The following MATN2 variants were observed in gnomAD, a reference collection of about 807,000 sequenced individuals.
MATN2 encodes matrilin 2.
In MATN2, 69 loss-of-function variants were observed where a neutral mutation model predicts 103.2. That is an observed-to-expected ratio of 0.67 (90% CI 0.55 to 0.82). MATN2 has a LOEUF of 0.82. Among genes scored for constraint, MATN2 ranks in the 40% least tolerant of loss-of-function variants. The probability of loss-of-function intolerance (pLI) is 0.00; values close to 1 mark genes in which losing one functional copy is unlikely to be tolerated. For missense variants in MATN2, 1,023 were observed against 1,211.5 expected (o/e 0.84, Z 2.31); for synonymous variants, 429 against 450.2 (o/e 0.95, Z 0.60).
rs776806458 is a variant in MATN2 at position 97,994,619 on chromosome 8, G to A, written c.1204+17G>A. 3 of 1,606,504 alleles carry A rather than the reference G, an allele frequency of 1.9e-6. No individual in the cohort carries two copies. The South Asian group carries it at 3.4e-5, about 18-fold the overall frequency. ...CCTGCAGAAGTAAGTTACAGTGGGAGTTGGAGAAGGGCTTGTTCTGCTAAA... is the reference window on the plus strand; with the variant it reads ...CCTGCAGAAGTAAGTTACAGTGGGAATTGGAGAAGGGCTTGTTCTGCTAAA... On this transcript the variant is annotated intron_variant, in intron 7 of 18. Coordinates refer to ENST00000254898, the MANE Select transcript of MATN2 (RefSeq NM_002380.5).
chr8:97,972,345 A>C (rs1811683397), intron 5 of MATN2, among the ~76,000 whole-genome samples: 1 of 151,520 alleles, frequency 6.6e-6, no homozygotes, highest in Admixed American at 6.6e-5. Context: ...TCTCAAAAAA[A>C]AAAAAAAAAA....
At chr8:97,988,632 G>A (rs766585782) in intron 6 of MATN2, among the ~76,000 whole-genome samples, 48 of 151,880 alleles carry the variant, frequency 3.2e-4, no homozygotes, top group Admixed American at 1.9e-3. Context: ...TCCCCAGACC[G>A]ACCAAAAACA....
At chr8:97,992,745 C>CAAAA (rs58985201) in intron 6 of MATN2, among the ~76,000 whole-genome samples, 15 of 49,536 alleles carry the variant, frequency 3.0e-4, no homozygotes, top group East Asian at 6.4e-4. Context: ...GACTCCATCT[C>CAAAA]AAAAAAAAAA....
At chr8:97,909,665 G>A (rs551608317) in intron 2 of MATN2, among the ~76,000 whole-genome samples, 10 of 152,314 alleles carry the variant, frequency 6.6e-5, no homozygotes, top group African/African-American at 1.9e-4. Flanking sequence ...TGAGTGAGGG[G>A]CCCACGGTAG....
At chr8:97,965,915 C>T (rs988505232) in intron 5 of MATN2, among the ~76,000 whole-genome samples, 1 of 152,060 alleles carries the variant, frequency 6.6e-6, no homozygotes, top group Non-Finnish European at 1.5e-5. Context: ...ACCTGGGAGG[C>T]AGAGGTTGCA....
rs540926527 is a variant in MATN2, at chr8:98,027,762, C to G, written c.2289C>G (p.Ala763=). 3.7e-6 allele frequency: 6 copies of G among 1,609,224 alleles called. No individual in the cohort carries two copies. Among genetic ancestry groups the G allele is most frequent in the Non-Finnish European group, 5.1e-6 (6 of 1,178,532 alleles). Residue 763 remains alanine, a synonymous_variant, in exon 14 of 19, where the codon GCC becomes GCG. Transcript: ENST00000254898. ...RPLSTRVPRA[A]IVFTDGRAQD... ...TTTCCACAAGGGTGCCCAGAGCAGCCATTGTGTTCACCGACGGACGGGCTC... is the reference window on the plus strand; with the variant it reads ...TTTCCACAAGGGTGCCCAGAGCAGCGATTGTGTTCACCGACGGACGGGCTC...
chr8:97,936,523 T>G (rs1420565314), intron 3 of MATN2, among the ~76,000 whole-genome samples: 2 of 151,432 alleles, frequency 1.3e-5, no homozygotes, highest in Non-Finnish European at 2.9e-5. Context: ...TGCCCAGTAA[T>G]ACAAGACCTC....
At chr8:97,905,183 G>A (rs537171083) in intron 2 of MATN2, among the ~76,000 whole-genome samples, 59 of 152,152 alleles carry the variant, frequency 3.9e-4, no homozygotes, top group Non-Finnish European at 7.5e-4. Context: ...CAAATAATTG[G>A]CCTCCTTTCT....
chr8:97,953,826 G>A (rs1297652384), intron 4 of MATN2, among the ~76,000 whole-genome samples: 2 of 151,636 alleles, frequency 1.3e-5, no homozygotes, highest in South Asian at 4.2e-4. Flanking sequence ...GCTGGGTATG[G>A]TGGTGCGTAC....
chr8:98,026,685 G>T (rs1028647367), intron 13 of MATN2, among the ~76,000 whole-genome samples: 24 of 152,108 alleles, frequency 1.6e-4, no homozygotes, highest in African/African-American at 5.8e-4. Context: ...AGTATTGGGG[G>T]GTGGGGCACA....
intron 2 of MATN2, among the ~76,000 whole-genome samples, chr8:97,904,032 T>C (rs2130041738): frequency 6.6e-6 from 1 of 152,356 alleles, no homozygotes; most frequent in East Asian, 1.9e-4. Flanking sequence ...CTTACTAGAA[T>C]TATTTTGCTA....
In MATN2 at chr8:98,036,359, T is replaced by A. The variant is rs1444016550; in HGVS notation, c.*647T>A. ...TTAAAACAATACCATTTTTCACCCA[T>A]CAGCTTAGCAAAAATGAGTATATTT... On this transcript the variant is annotated 3_prime_UTR_variant, in exon 19 of 19. Transcript: ENST00000254898. The A allele has an allele frequency of 2.0e-5, 3 of 152,310 alleles. No homozygotes were observed. The highest frequency in any genetic ancestry group is 3.4e-3 in the Middle Eastern group (1 of 294). 9.4% of individuals were successfully genotyped at this position (152,310 alleles called of 1,614,324 possible).
intron 4 of MATN2, among the ~76,000 whole-genome samples, chr8:97,947,991 G>A (rs1052414093): frequency 6.6e-6 from 1 of 152,068 alleles, no homozygotes; most frequent in African/African-American, 2.4e-5. Flanking sequence ...ACGTTTTTGA[G>A]TATATACTGT....
At chr8:97,979,133 T>G (rs2130310846) in intron 6 of MATN2, 125 bp downstream of exon 6, 1 of 1,127,396 alleles carries the variant, frequency 8.9e-7, no homozygotes, top group Non-Finnish European at 1.2e-6. Context: ...TAATACCTTT[T>G]GCCCCATTCC....
chr8:97,997,481 T>G (rs905189638), intron 7 of MATN2, among the ~76,000 whole-genome samples: 1 of 152,224 alleles, frequency 6.6e-6, no homozygotes, highest in Admixed American at 6.5e-5. Context: ...GGTTTCAGTC[T>G]TACCTGCTCA....
Position 98,036,065 on chromosome 8 carries a change from T to C in MATN2, c.*353T>C, listed in dbSNP as rs992985601. ...TAAAGTTTGCACAGTCTTACTTCTG[T>C]AGAACACTGGCCATAGGAAATGCTG... is the stretch of plus-strand genomic sequence containing the variant. On this transcript the variant is annotated 3_prime_UTR_variant, in exon 19 of 19. Transcript: ENST00000254898. 5 of 184,272 alleles carry C rather than the reference T, an allele frequency of 2.7e-5. No individual in the cohort carries two copies. The highest frequency in any genetic ancestry group is 1.9e-4 in the South Asian group (1 of 5,142). The allele number at this position is 184,272 out of a possible 1,614,324, so 11.4% of individuals were successfully genotyped here.
chr8:97,960,806 G>GTTT (rs150119017), intron 4 of MATN2, among the ~76,000 whole-genome samples: 1 of 151,856 alleles, frequency 6.6e-6, no homozygotes, highest in African/African-American at 2.4e-5. Context: ...TGAAAAATGT[G>GTTT]TTTTTTTTAT....
At chr8:97,949,196 G>T (rs1810859578) in intron 4 of MATN2, among the ~76,000 whole-genome samples, 3 of 142,168 alleles carry the variant, frequency 2.1e-5, no homozygotes, top group Non-Finnish European at 4.5e-5. Context: ...TTGAGACAGA[G>T]TCTTGCTCTG....
At position 98,014,116 on chromosome 8, in the gene MATN2, GA is replaced by G. The variant is rs796132209; in HGVS notation, c.1574-2416del. 1.9e-4 allele frequency among the ~76,000 whole-genome samples: 29 copies of G among 151,654 alleles called. 1 individual carries two copies. The South Asian group carries it at 5.4e-3, about 28-fold the overall frequency. On this transcript the variant is annotated intron_variant, in intron 10 of 18. Transcript: ENST00000254898. ...GAGCAAGCCTGTGTCTCAAAAAAAA[GA>G]AAAAAAAGAGCCTTAGCTGAAGCTA...
Sources: allele counts gnomAD v4.1 joint callset (sites outside exome capture counted in the v4.1 genomes callset), GRCh38; gene constraint gnomAD v4.1.1; transcripts MANE v1.5; gene names NCBI Gene and HGNC (gene_info 2026-07-23, HGNC 2026-07-21).